The following RBM47 variants were observed in gnomAD, a reference collection of about 807,000 sequenced individuals.
RBM47 encodes RNA-binding protein 47.
RBM47 carries 21 observed loss-of-function variants against 47.1 expected under a neutral mutation model. That is an observed-to-expected ratio of 0.45 (90% CI 0.32 to 0.64). The LOEUF (loss-of-function observed/expected upper bound fraction) is 0.64. RBM47 is among the 30% of genes least tolerant of loss of function. The pLI, the probability that RBM47 is intolerant of heterozygous loss-of-function variation, is 0.05. For synonymous variants in RBM47, 375 were observed against 361.7 expected (o/e 1.04, Z -0.42); for missense variants, 708 against 870.9 (o/e 0.81, Z 2.35).
At chr4:40,550,369 C>T (rs1156650192) in intron 1 of RBM47, among the ~76,000 whole-genome samples, 1 of 152,086 alleles carries the variant, frequency 6.6e-6, no homozygotes, top group Non-Finnish European at 1.5e-5. Flanking sequence ...AGTGGTTTCA[C>T]AGCTGGATAC....
intron 1 of RBM47, among the ~76,000 whole-genome samples, chr4:40,577,850 T>C (rs1251193599): frequency 6.6e-6 from 1 of 152,036 alleles, no homozygotes; most frequent in East Asian, 1.9e-4. Flanking sequence ...AACTGTCCAA[T>C]AAAAATTACA....
chr4:40,547,818 T>C (rs993408891), intron 1 of RBM47, among the ~76,000 whole-genome samples: 3 of 152,264 alleles, frequency 2.0e-5, no homozygotes, highest in African/African-American at 7.2e-5. Flanking sequence ...TTGCAATTCC[T>C]GAGCTAAACC....
rs562456043 is a variant in RBM47, at chr4:40,555,113, T to C, written c.-239-10607A>G. Among the ~76,000 whole-genome samples the C allele has an allele frequency of 6.6e-5, 10 of 152,282 alleles. No individual in the cohort carries two copies. The South Asian group carries it at 2.1e-3, about 32-fold the overall frequency. ...ACCATGCCCAGTTAATTTTTTGTAT[T>C]TTTACTAGAGATGGGGTTTCACTAT... On this transcript the variant is annotated intron_variant, in intron 1 of 6. Coordinates refer to ENST00000295971, the MANE Select transcript of RBM47 (RefSeq NM_001098634.2).
chr4:40,576,070 C>T (rs1732270982), intron 1 of RBM47, among the ~76,000 whole-genome samples: 1 of 152,192 alleles, frequency 6.6e-6, no homozygotes, highest in Non-Finnish European at 1.5e-5. Flanking sequence ...GTGTTCCTTC[C>T]CTGCAGGCTC....
At chr4:40,448,002 C>A (rs1726555954) in intron 3 of RBM47, among the ~76,000 whole-genome samples, 3 of 151,874 alleles carry the variant, frequency 2.0e-5, no homozygotes, top group Admixed American at 2.0e-4. Context: ...CAAAGAGAGA[C>A]TCCGTCTCAA....
At chr4:40,514,211 C>G (rs1313633233) in intron 2 of RBM47, among the ~76,000 whole-genome samples, 1 of 152,100 alleles carries the variant, frequency 6.6e-6, no homozygotes, top group Non-Finnish European at 1.5e-5. Context: ...AACACAGGAC[C>G]TGGTTCTGAA....
intron 2 of RBM47, among the ~76,000 whole-genome samples, chr4:40,471,228 C>G (rs1718815302): frequency 6.6e-6 from 1 of 152,160 alleles, no homozygotes; most frequent in Non-Finnish European, 1.5e-5. Flanking sequence ...TACCCGTACA[C>G]TGAAAGATCA....
intron 1 of RBM47, among the ~76,000 whole-genome samples, chr4:40,549,036 C>T (rs1490183341): frequency 6.6e-6 from 1 of 151,752 alleles, no homozygotes; most frequent in Admixed American, 6.6e-5. Flanking sequence ...TTATCCTCAT[C>T]AGGAAACTAA....
intron 2 of RBM47, among the ~76,000 whole-genome samples, chr4:40,535,206 TTTC>T (rs1174320875): frequency 6.6e-6 from 1 of 152,040 alleles, no homozygotes; most frequent in African/African-American, 2.4e-5. Flanking sequence ...TCATCATTAT[TTTC>T]TTAAGACCTC....
At chr4:40,590,025 A>G (rs539366673) in intron 1 of RBM47, among the ~76,000 whole-genome samples, 47 of 152,248 alleles carry the variant, frequency 3.1e-4, no homozygotes, top group African/African-American at 9.1e-4. Context: ...CTTCAGGCTC[A>G]TCAAGGTTTG....
At chr4:40,525,663 G>C (rs1726633448) in intron 2 of RBM47, among the ~76,000 whole-genome samples, 1 of 146,692 alleles carries the variant, frequency 6.8e-6, no homozygotes, top group African/African-American at 2.8e-5. Context: ...GGATAAATAG[G>C]GGAAAAAATG....
intron 5 of RBM47, 23 bp from the exon 6 acceptor site, chr4:40,432,885 A>T: frequency 6.2e-7 from 1 of 1,612,516 alleles, no homozygotes; most frequent in Non-Finnish European, 8.5e-7. Context: ...CAAGAAGGAA[A>T]AACAGGTCAA....
intron 2 of RBM47, among the ~76,000 whole-genome samples, chr4:40,480,163 A>T (rs1221596885): frequency 6.6e-6 from 1 of 151,794 alleles, no homozygotes; most frequent in Non-Finnish European, 1.5e-5. Context: ...TTTTCAGTAG[A>T]AACAGGGTTT....
intron 2 of RBM47, among the ~76,000 whole-genome samples, chr4:40,539,611 G>A (rs939208257): frequency 1.3e-5 from 2 of 151,622 alleles, no homozygotes; most frequent in African/African-American, 4.8e-5. Context: ...GTGGTGGCAG[G>A]TGCCTATAAT....
At chr4:40,558,481 C>A (rs1446276442) in intron 1 of RBM47, among the ~76,000 whole-genome samples, 1 of 148,710 alleles carries the variant, frequency 6.7e-6, no homozygotes, top group Non-Finnish European at 1.5e-5. Flanking sequence ...GAGTTCAAGA[C>A]CAGCCTGGCC....
At chr4:40,480,055 G>A (rs1255667959) in intron 2 of RBM47, among the ~76,000 whole-genome samples, 1 of 140,514 alleles carries the variant, frequency 7.1e-6, no homozygotes, top group African/African-American at 2.7e-5. Context: ...TCAGCTCACT[G>A]CGACCTCCAC....
At chr4:40,592,934 G>GAT (rs1734296680) in intron 1 of RBM47, among the ~76,000 whole-genome samples, 2 of 55,992 alleles carry the variant, frequency 3.6e-5, no homozygotes, top group Admixed American at 6.3e-4. Context: ...AACAATTTGG[G>GAT]ACATATATAT....
At chr4:40,470,074 C>A (rs577796227) in intron 2 of RBM47, among the ~76,000 whole-genome samples, 3 of 152,180 alleles carry the variant, frequency 2.0e-5, no homozygotes, top group Non-Finnish European at 4.4e-5. Context: ...TAGTTCCAGT[C>A]CAAACCTTTG....
chr4:40,599,555 T>C (rs1267761108), intron 1 of RBM47, among the ~76,000 whole-genome samples: 1 of 151,982 alleles, frequency 6.6e-6, no homozygotes, highest in Non-Finnish European at 1.5e-5. Context: ...CCAGGCCTGG[T>C]AGCTTTGCTG....
Sources: gnomAD v4.1 joint callset for allele counts (sites outside exome capture counted in the v4.1 genomes callset) on GRCh38, gnomAD v4.1.1 for gene constraint, MANE v1.5 for transcripts, NCBI Gene and HGNC (gene_info 2026-07-23, HGNC 2026-07-21) for gene names.